Variants in NOX1 observed in about 807,000 individuals in gnomAD.
The protein encoded by NOX1 is NADH/NADPH mitogenic oxidase subunit P65-MOX.
A neutral mutation model predicts 42.5 loss-of-function variants in NOX1; 34 were observed. That is an observed-to-expected ratio of 0.80 (90% CI 0.61 to 1.07). The LOEUF (loss-of-function observed/expected upper bound fraction) is 1.07, where lower values mean the gene tolerates loss of function less well. Among genes scored for constraint, NOX1 ranks in the 50% least tolerant of loss-of-function variants. NOX1 has a pLI of 0.00. For synonymous variants in NOX1, 143 were observed against 152.5 expected, an observed-to-expected ratio of 0.94 and a Z score of 0.46; for missense variants, 408 against 427.0, an observed-to-expected ratio of 0.96 and a Z score of 0.39.
chrX:100,848,695 C>T lies in NOX1; in HGVS notation c.1503G>A (p.Gln501=), dbSNP rs750082419. The T allele has an allele frequency of 8.3e-7, 1 of 1,209,250 alleles. No homozygotes were observed. The highest frequency in any genetic ancestry group is 1.7e-5 in the African/African-American group (1 of 57,428). Residue 501 remains glutamine, a synonymous_variant, in exon 12 of 13, where the codon CAG becomes CAA. Coordinates refer to ENST00000372966, the MANE Select transcript of NOX1 (RefSeq NM_007052.5). ...KATDIVTGLK[Q]KTSFGRPMWD... The stretch of plus-strand genomic sequence containing the variant: ...ACATTGGTCTCCCAAAGGAGGTTTT[C>T]TGTTTCAGACCTGTCACGATGTCAG...
In NOX1 at chrX:100,862,693, T is replaced by C. The variant is rs1602390793; in HGVS notation, c.465A>G (p.Leu155=). 3.3e-6 allele frequency: 4 copies of C among 1,194,795 alleles called. No homozygotes were observed. The Admixed American group carries it at 9.8e-5, about 29-fold the overall frequency. Residue 155 remains leucine (L), a synonymous_variant, in exon 5 of 13, where the codon CTA becomes CTG. Coordinates refer to ENST00000372966, the MANE Select transcript of NOX1 (RefSeq NM_007052.5). The stretch of plus-strand genomic sequence containing the variant: ...CCGTGTTTCGGGACTGGATGGGATT[T>C]AGCCAAGAACCCCCCTTTTTCTCAT... ...SHDEKKGGSW[L]NPIQSRNTTV... is the part of the protein sequence containing the mutation.
chrX:100,867,315 T>A (rs1161484042), intron 2 of NOX1, among the ~76,000 whole-genome samples: 4 of 112,285 alleles, frequency 3.6e-5, no homozygotes, highest in African/African-American at 1.3e-4. Flanking sequence ...CCACAGCGCC[T>A]GGCAAAAAAA....
Position 100,862,285 on chromosome X carries a change from T to A in NOX1, c.690A>T (p.Gln230His), listed in dbSNP as rs2085209177. ...GACTCTCATTCATGCTCTCCTCTGT[T>A]TGACCCCGGACAATTCCACTGAAAT... ...IHGIGGIVRG[Q>H]TEESMNESHP... is the part of the protein sequence containing the mutation. Residue 230 changes from glutamine to histidine, a missense_variant, in exon 7 of 13, where the codon CAA becomes CAT. Coordinates refer to ENST00000372966, the MANE Select transcript of NOX1 (RefSeq NM_007052.5). The A allele has an allele frequency of 8.3e-7, 1 of 1,209,167 alleles. No individual in the cohort carries two copies. Among genetic ancestry groups the A allele is most frequent in the African/African-American group, 1.8e-5 (1 of 56,909 alleles).
chrX:100,855,571 T>C, intron 7 of NOX1: 1 of 872,145 alleles, frequency 1.1e-6, no homozygotes, highest in Non-Finnish European at 1.7e-6. Context: ...CCATAGCCAC[T>C]GTCCTGATTT....
chrX:100,855,059 T>C (rs150825633), intron 7 of NOX1, among the ~76,000 whole-genome samples: 2,987 of 112,185 alleles, frequency 0.027, 106 homozygotes, highest in African/African-American at 0.091. Flanking sequence ...GTTGGAATGC[T>C]TTACACTTTC....
chrX:100,843,823 A>G lies in NOX1; in HGVS notation c.*129T>C. 2 of 500,795 alleles carry G rather than the reference A, an allele frequency of 4.0e-6. No individual in the cohort carries two copies. The highest frequency in any genetic ancestry group is 6.4e-6 in the Non-Finnish European group (2 of 313,035). 41.3% of individuals were successfully genotyped at this position (500,795 alleles called of 1,213,427 possible). A position where few individuals can be genotyped will look rare whatever the true frequency, so the allele number is the denominator to read the frequency against. The stretch of plus-strand genomic sequence containing the variant: ...CGAAGTTGAATGCAATCAAAAAAAG[A>G]ATACCAGGGAGTCAAGGCTTGAGAG... On this transcript the variant is annotated 3_prime_UTR_variant, in exon 13 of 13. Transcript: ENST00000372966.
chrX:100,843,429 T>C lies in NOX1; in HGVS notation c.*523A>G. The C allele has an allele frequency of 8.8e-7, 1 of 1,135,639 alleles. No individual in the cohort carries two copies. Among genetic ancestry groups the C allele is most frequent in the Admixed American group, 3.0e-5 (1 of 33,585 alleles). The allele number at this position is 1,135,639 out of a possible 1,213,427, so 93.6% of individuals were successfully genotyped here. ...CAAAAGTGACAGTAAACATGTACAC[T>C]GTTGGTGTTATATGGGGATGGGGTT... On this transcript the variant is annotated 3_prime_UTR_variant, in exon 13 of 13. Coordinates refer to ENST00000372966, the MANE Select transcript of NOX1 (RefSeq NM_007052.5).
In NOX1 at chrX:100,849,273, G is replaced by C; in HGVS notation, c.1443+7C>G. The C allele has an allele frequency of 8.3e-7, 1 of 1,209,170 alleles. No individual in the cohort carries two copies. The highest frequency in any genetic ancestry group is 1.1e-6 in the Non-Finnish European group (1 of 893,954). On this transcript the variant is annotated splice_region_variant and intron_variant, in intron 11 of 12. Coordinates refer to ENST00000372966, the MANE Select transcript of NOX1 (RefSeq NM_007052.5). ...AGTAGGGGAATTAGTGTGTTATTTG[G>C]ACTCACAATATTGCTGTCCCATCCG...
intron 7 of NOX1, chrX:100,856,430 C>T (rs1054851498): frequency 2.2e-5 from 10 of 463,734 alleles, no homozygotes; most frequent in African/African-American, 1.7e-4. Flanking sequence ...GTGGCGTACA[C>T]GGGCGGAAAG....
At chrX:100,872,662 GA>G (rs754637739) in intron 1 of NOX1, among the ~76,000 whole-genome samples, 20 of 109,799 alleles carry the variant, frequency 1.8e-4, no homozygotes, top group East Asian at 8.7e-4. Context: ...AAGAGAGGGG[GA>G]AAAAATGCAG....
chrX:100,855,901 T>C, intron 7 of NOX1: 1 of 1,174,811 alleles, frequency 8.5e-7, no homozygotes, highest in African/African-American at 1.7e-5. Flanking sequence ...GGAATGACAA[T>C]CTTATCCACG....
In NOX1 at chrX:100,866,877, G is replaced by A. The variant is rs191363460; in HGVS notation, c.142-3282C>T. Among the ~76,000 whole-genome samples the A allele has an allele frequency of 6.0e-3, 669 of 110,810 alleles. 8 individuals carry two copies. The highest frequency in any genetic ancestry group is 0.02 in the African/African-American group (621 of 30,451). On this transcript the variant is annotated intron_variant, in intron 2 of 12. Transcript: ENST00000372966. The stretch of plus-strand genomic sequence containing the variant: ...CTTCATCACTATGCAATATATGCAT[G>A]TAAGAAACCTACACTTGTGACTGGG...
Position 100,849,887 on chromosome X carries a change from T to A in NOX1, c.1181A>T (p.Gln394Leu), listed in dbSNP as rs2085101385. 8.3e-7 allele frequency: 1 copy of A among 1,208,694 alleles called. No individual in the cohort carries two copies. Among genetic ancestry groups the A allele is most frequent in the Admixed American group, 2.2e-5 (1 of 45,583 alleles). Residue 394 changes from glutamine to leucine, a missense_variant, in exon 10 of 13, where the codon CAG becomes CTG. Gln to Leu is a moderately radical substitution (Grantham distance 113). Coordinates refer to ENST00000372966, the MANE Select transcript of NOX1 (RefSeq NM_007052.5). ...TCCAACCAGCACAGCCACTTCATAC[T>A]GGAAAACATCCTCACTGGCTGTGCC... ...PFGTASEDVF[Q>L]YEVAVLVGAG...
intron 7 of NOX1, among the ~76,000 whole-genome samples, chrX:100,853,244 TCCTTCCTTCCTTCCTTC>T (rs1188233471): frequency 4.5e-5 from 2 of 44,528 alleles, no homozygotes; most frequent in Non-Finnish European, 7.7e-5. Context: ...TTTCTTTCTT[TCCTTCCTTCCTTCCTTC>T]CTTTCTTTCT....
At chrX:100,852,055 A>G (rs374188822) in intron 7 of NOX1, among the ~76,000 whole-genome samples, 1 of 113,019 alleles carries the variant, frequency 8.8e-6, no homozygotes. Flanking sequence ...CAAAAAAGGG[A>G]AAGTATGTGA....
At chrX:100,849,478 A>G (rs376955411) in intron 10 of NOX1, 52 bp from the exon 11 acceptor site, 5 of 1,141,166 alleles carry the variant, frequency 4.4e-6, no homozygotes, top group Middle Eastern at 2.6e-4. Flanking sequence ...TAAAAGTCAC[A>G]TTTATAGAGC....
intron 12 of NOX1, among the ~76,000 whole-genome samples, chrX:100,846,460 A>T (rs1426954422): frequency 9.0e-5 from 10 of 111,204 alleles, no homozygotes; most frequent in Non-Finnish European, 1.3e-4. Context: ...ACATTTCCTG[A>T]CCCTGCTACT....
In NOX1 at chrX:100,858,633, T is replaced by C. The variant is rs191918264; in HGVS notation, c.804+3538A>G. On this transcript the variant is annotated intron_variant, in intron 7 of 12. Coordinates refer to ENST00000372966, the MANE Select transcript of NOX1 (RefSeq NM_007052.5). ...GAGCAGTGTTTTGTAACTCTCATTG[T>C]AGAGATCTTTCACCTCCCTAGTTGG... Among the ~76,000 whole-genome samples, 17 of 111,474 alleles carry C rather than the reference T, an allele frequency of 1.5e-4. No homozygotes were observed. The Admixed American group carries it at 1.6e-3, about 11-fold the overall frequency.
intron 2 of NOX1, among the ~76,000 whole-genome samples, chrX:100,868,263 AT>A (rs1377719825): frequency 8.9e-6 from 1 of 112,147 alleles, no homozygotes; most frequent in Non-Finnish European, 1.9e-5. Context: ...AGAAAAAAGC[AT>A]TTTTTAAAAG....
Sources: gnomAD v4.1 joint callset for allele counts (sites outside exome capture counted in the v4.1 genomes callset) on GRCh38, gnomAD v4.1.1 for gene constraint, MANE v1.5 for transcripts, NCBI Gene and HGNC (gene_info 2026-07-23, HGNC 2026-07-21) for gene names.